The following TMEM182 variants were observed in gnomAD, a reference collection of about 807,000 sequenced individuals.
TMEM182 encodes transmembrane protein 182.
In TMEM182, 20 loss-of-function variants were observed where a neutral mutation model predicts 26.8. The ratio of observed to expected loss-of-function variants is 0.75; its 90% confidence interval spans 0.53 to 1.09. TMEM182 has a LOEUF of 1.09. Among genes scored for constraint, TMEM182 ranks in the 50% least tolerant of loss-of-function variants. The pLI is 0.00. For synonymous variants in TMEM182, 109 were observed against 102.2 expected (o/e 1.07, Z -0.40); for missense variants, 277 against 275.5 (o/e 1.01, Z -0.04).
At chr2:102,761,481 A>G (rs986129073), upstream of TMEM182, among the ~76,000 whole-genome samples, 4 of 152,208 alleles carry the variant, frequency 2.6e-5, no homozygotes, top group Non-Finnish European at 4.4e-5. Flanking sequence ...ATGCTGCATA[A>G]AAGCTCTTCT....
chr2:102,778,953 G>A (rs2104692339), intron 3 of TMEM182, among the ~76,000 whole-genome samples: 1 of 151,838 alleles, frequency 6.6e-6, no homozygotes, highest in South Asian at 2.1e-4. Context: ...TTCCTTTCTG[G>A]TGTTTTTCTG....
In TMEM182 at chr2:102,815,213, C is replaced by A; in HGVS notation, c.*245C>A. 7.7e-7 allele frequency: 1 copy of A among 1,299,796 alleles called. No homozygotes were observed. Among genetic ancestry groups the A allele is most frequent in the Non-Finnish European group, 9.8e-7 (1 of 1,022,920 alleles). The allele number at this position is 1,299,796 out of a possible 1,614,324, so 80.5% of individuals were successfully genotyped here. ...TTCTTTAGGGAATAGGTAAACAGGT[C>A]TCCCTTTCATTGAACATGTTAGAGT... On this transcript the variant is annotated 3_prime_UTR_variant, in exon 5 of 5. Coordinates refer to ENST00000412401, the MANE Select transcript of TMEM182 (RefSeq NM_144632.5).
chr2:102,817,036 A>G lies in TMEM182; in HGVS notation c.*2068A>G. On this transcript the variant is annotated 3_prime_UTR_variant, in exon 5 of 5. Coordinates refer to ENST00000412401, the MANE Select transcript of TMEM182 (RefSeq NM_144632.5). ...GATTTGCACTTTGGAACTATTTTAT[A>G]GTTGTAATGCATCAATCAAATACAT... is the stretch of plus-strand genomic sequence containing the variant. 2 of 985,696 alleles carry G rather than the reference A, an allele frequency of 2.0e-6. No homozygotes were observed. The highest frequency in any genetic ancestry group is 9.4e-5 in the South Asian group (2 of 21,290). 61.1% of individuals were successfully genotyped at this position (985,696 alleles called of 1,614,324 possible).
At chr2:102,752,423 C>T (rs1322660397) in intron 1 of TMEM182, among the ~76,000 whole-genome samples, 1 of 152,148 alleles carries the variant, frequency 6.6e-6, no homozygotes, top group African/African-American at 2.4e-5. Flanking sequence ...AATAATTAAG[C>T]AGAATTTAAA....
At chr2:102,752,317 T>C (rs966533110) in intron 1 of TMEM182, among the ~76,000 whole-genome samples, 2 of 152,248 alleles carry the variant, frequency 1.3e-5, no homozygotes, top group Non-Finnish European at 2.9e-5. Flanking sequence ...ATTGTTACTT[T>C]GTTACCTTTG....
At chr2:102,799,600 A>C (rs1276238100) in intron 4 of TMEM182, among the ~76,000 whole-genome samples, 1 of 152,228 alleles carries the variant, frequency 6.6e-6, no homozygotes, top group Non-Finnish European at 1.5e-5. Flanking sequence ...GGCAGGATCT[A>C]ATGGTCATAG....
intron 4 of TMEM182, among the ~76,000 whole-genome samples, chr2:102,805,669 T>C (rs1558783112): frequency 6.6e-6 from 1 of 152,140 alleles, no homozygotes; most frequent in African/African-American, 2.4e-5. Flanking sequence ...CAAACAAATG[T>C]TTTTACTCAT....
Position 102,785,219 on chromosome 2 carries a change from G to C in TMEM182, c.332-12644G>C, listed in dbSNP as rs535562933. On this transcript the variant is annotated intron_variant, in intron 3 of 4. Coordinates refer to ENST00000412401, the MANE Select transcript of TMEM182 (RefSeq NM_144632.5). ...GCACCTGCAAGCTGAGCTCCTCCAAGCACCACTCCCCACTCCTCCTCAGTC... is the reference window on the plus strand; with the variant it reads ...GCACCTGCAAGCTGAGCTCCTCCAACCACCACTCCCCACTCCTCCTCAGTC... Among the ~76,000 whole-genome samples the C allele has an allele frequency of 2.0e-5, 3 of 152,098 alleles. No individual in the cohort carries two copies. The South Asian group carries it at 6.2e-4, about 32-fold the overall frequency.
chr2:102,819,680 G>A (rs1205055281), downstream of TMEM182, among the ~76,000 whole-genome samples: 2 of 152,140 alleles, frequency 1.3e-5, no homozygotes, highest in Non-Finnish European at 2.9e-5. Flanking sequence ...TATGTAAAGT[G>A]TATACATGAA....
downstream of TMEM182, among the ~76,000 whole-genome samples, chr2:102,818,261 A>G (rs1433876807): frequency 1.3e-5 from 2 of 152,216 alleles, no homozygotes; most frequent in Admixed American, 6.5e-5. Context: ...ACATTTCCTC[A>G]GTGATGATCA....
intron 3 of TMEM182, among the ~76,000 whole-genome samples, chr2:102,829,142 G>C (rs1683100341): frequency 6.6e-6 from 1 of 152,192 alleles, no homozygotes; most frequent in African/African-American, 2.4e-5. Context: ...GGAAGGCTGA[G>C]GTTATGGAGT....
chr2:102,755,099 C>CCCTAAAAGAGA (rs1369865069), intron 1 of TMEM182, among the ~76,000 whole-genome samples: 1 of 151,944 alleles, frequency 6.6e-6, no homozygotes, highest in Admixed American at 6.6e-5. Context: ...TGAATAGAGA[C>CCCTAAAAGAGA]CCTAAAAGAA....
chr2:102,748,027 ATGG>A (rs1168818872), intron 1 of TMEM182, among the ~76,000 whole-genome samples: 1 of 152,102 alleles, frequency 6.6e-6, no homozygotes, highest in Admixed American at 6.6e-5. Context: ...TTTTTTCCCT[ATGG>A]TGACTTAGAG....
chr2:102,824,551 G>A (rs1462966665), intron 3 of TMEM182, among the ~76,000 whole-genome samples: 2 of 152,060 alleles, frequency 1.3e-5, no homozygotes, highest in East Asian at 1.9e-4. Flanking sequence ...CTGGCCAGGC[G>A]TGGTGGCTCA....
At chr2:102,750,307 T>C (rs552454588) in intron 1 of TMEM182, among the ~76,000 whole-genome samples, 5 of 152,324 alleles carry the variant, frequency 3.3e-5, no homozygotes, top group Admixed American at 3.3e-4. Flanking sequence ...TCCCAGAACT[T>C]TATCATTGTA....
At chr2:102,785,997 A>G (rs1681372111) in intron 3 of TMEM182, among the ~76,000 whole-genome samples, 1 of 151,664 alleles carries the variant, frequency 6.6e-6, no homozygotes, top group Non-Finnish European at 1.5e-5. Flanking sequence ...TGTTCCTATC[A>G]TGGCTTAGTC....
chr2:102,752,168 T>C (rs1372969301), intron 1 of TMEM182, among the ~76,000 whole-genome samples: 2 of 152,194 alleles, frequency 1.3e-5, no homozygotes, highest in Non-Finnish European at 2.9e-5. Context: ...TTCAGAGTTG[T>C]CTCAATTTCC....
At chr2:102,737,243 T>A (rs1247654332) in intron 1 of TMEM182, among the ~76,000 whole-genome samples, 2 of 152,130 alleles carry the variant, frequency 1.3e-5, no homozygotes, top group African/African-American at 4.8e-5. Flanking sequence ...CAAGCTTTCG[T>A]TTGCCTATTT....
chr2:102,758,569 A>G, upstream of TMEM182: 1 of 699,998 alleles, frequency 1.4e-6, no homozygotes, highest in South Asian at 1.6e-5. Context: ...GCACCCTGCT[A>G]AAATCCAGCT....
Sources: allele counts gnomAD v4.1 joint callset (sites outside exome capture counted in the v4.1 genomes callset), GRCh38; gene constraint gnomAD v4.1.1; transcripts MANE v1.5; gene names NCBI Gene and HGNC (gene_info 2026-07-23, HGNC 2026-07-21).